The following RTN4 variants were observed in gnomAD, a reference collection of about 807,000 sequenced individuals.
RTN4 encodes reticulon-4.
In RTN4, 32 loss-of-function variants were observed where a neutral mutation model predicts 90.4. The observed-to-expected ratio is 0.35, with a 90% confidence interval of 0.27 to 0.48. The LOEUF is 0.48. Ranked by LOEUF, RTN4 falls within the 20% of genes least tolerant of loss-of-function variation. The pLI is 0.99. For synonymous variants in RTN4, 629 were observed against 552.5 expected (o/e 1.14, Z -1.94); for missense variants, 1,706 against 1,430.2 (o/e 1.19, Z -3.11).
chr2:54,997,096 G>C (rs577078533), intron 3 of RTN4, among the ~76,000 whole-genome samples: 1 of 152,268 alleles, frequency 6.6e-6, no homozygotes, highest in Admixed American at 6.5e-5. Flanking sequence ...CACAGAACGA[G>C]AGAAAACACT....
At chr2:55,088,144 T>G (rs1314643519) in intron 1 of RTN4, among the ~76,000 whole-genome samples, 1 of 152,216 alleles carries the variant, frequency 6.6e-6, no homozygotes, top group Non-Finnish European at 1.5e-5. Flanking sequence ...ACGGGTTATG[T>G]TATCTTCTCC....
chr2:55,038,769 G>C (rs1323061070), intron 1 of RTN4, among the ~76,000 whole-genome samples: 1 of 152,180 alleles, frequency 6.6e-6, no homozygotes, highest in Non-Finnish European at 1.5e-5. Context: ...TTACCTAAGA[G>C]AAATGAAAAT....
At chr2:54,992,416 G>T (rs1356210056) in intron 3 of RTN4, among the ~76,000 whole-genome samples, 1 of 152,108 alleles carries the variant, frequency 6.6e-6, no homozygotes, top group East Asian at 1.9e-4. Context: ...CATGCAAGAT[G>T]AATCATAAAG....
chr2:55,125,058 T>A, the RTN4 span, among the ~76,000 whole-genome samples: 1 of 151,896 alleles, frequency 6.6e-6, no homozygotes, highest in East Asian at 1.9e-4. Context: ...TACACAAAAA[T>A]CAATTCAATA....
chr2:55,110,717 C>A (rs571005197), intron 1 of RTN4, among the ~76,000 whole-genome samples: 2 of 152,058 alleles, frequency 1.3e-5, no homozygotes, highest in Non-Finnish European at 2.9e-5. Context: ...GAAAGCCAAC[C>A]TCAAATCAGG....
At chr2:55,089,909 T>A (rs1400705860) in intron 1 of RTN4, among the ~76,000 whole-genome samples, 2 of 152,202 alleles carry the variant, frequency 1.3e-5, no homozygotes, top group Non-Finnish European at 2.9e-5. Context: ...GATCACTGAC[T>A]GACAGCAGCA....
At chr2:54,997,829 T>C (rs1007217025) in intron 3 of RTN4, among the ~76,000 whole-genome samples, 2 of 152,210 alleles carry the variant, frequency 1.3e-5, no homozygotes, top group Admixed American at 6.5e-5. Context: ...AGTATACTGT[T>C]ACCATGATTC....
chr2:54,978,526 T>C (rs1677855492), intron 5 of RTN4, among the ~76,000 whole-genome samples: 1 of 151,968 alleles, frequency 6.6e-6, no homozygotes, highest in East Asian at 1.9e-4. Flanking sequence ...AGATTTTGCA[T>C]TTATGAAGAC....
chr2:55,021,456 T>A (rs1412532875), intron 3 of RTN4, among the ~76,000 whole-genome samples: 1 of 150,590 alleles, frequency 6.6e-6, no homozygotes, highest in East Asian at 1.9e-4. Flanking sequence ...AACTCTTACC[T>A]GCTTTTACAC....
intron 5 of RTN4, among the ~76,000 whole-genome samples, chr2:54,980,664 G>A (rs1448335195): frequency 6.6e-6 from 1 of 152,042 alleles, no homozygotes; most frequent in Non-Finnish European, 1.5e-5. Context: ...AAGCTCACCA[G>A]GCTTTTCTTT....
chr2:55,128,950 T>C, the RTN4 span, among the ~76,000 whole-genome samples: 18 of 150,718 alleles, frequency 1.2e-4, no homozygotes, highest in East Asian at 3.6e-3. Context: ...CTAATAAAAA[T>C]ACAAAAAATT....
Position 55,092,486 on chromosome 2 carries a change from G to A in RTN4, c.-213-11847C>T, listed in dbSNP as rs191213187. Among the ~76,000 whole-genome samples, 921 of 152,124 alleles carry A rather than the reference G, an allele frequency of 6.1e-3. 33 individuals carry two copies. The highest frequency in any genetic ancestry group is 0.05 in the Admixed American group (764 of 15,284). On this transcript the variant is annotated intron_variant, in intron 1 of 3. Coordinates refer to the RTN4 transcript ENST00000427710. ...CAACCTCAGGTGATCTGCCCACCTC[G>A]GCCTCCTAAAGTGCTGGGATTACAG...
intron 3 of RTN4, among the ~76,000 whole-genome samples, chr2:55,021,603 G>A (rs990017406): frequency 5.9e-5 from 9 of 151,922 alleles, no homozygotes; most frequent in East Asian, 1.9e-4. Flanking sequence ...GATTACAGGC[G>A]TAAGCCATTG....
At chr2:55,008,587 T>C (rs529473927) in intron 3 of RTN4, among the ~76,000 whole-genome samples, 14 of 152,270 alleles carry the variant, frequency 9.2e-5, no homozygotes, top group African/African-American at 2.9e-4. Flanking sequence ...CCCAGAGATA[T>C]TCAGGAGTAA....
At chr2:54,981,448 T>G (rs573170957) in intron 5 of RTN4, among the ~76,000 whole-genome samples, 2 of 152,250 alleles carry the variant, frequency 1.3e-5, no homozygotes, top group South Asian at 4.1e-4. Flanking sequence ...AATGAAAAAT[T>G]ATGAGAATTA....
rs555244697 is a variant in RTN4 at position 55,058,481 on chromosome 2, C to A, written c.-63+22008G>T. 6.6e-5 allele frequency among the ~76,000 whole-genome samples: 10 copies of A among 152,360 alleles called. 1 individual carries two copies. In the South Asian group the frequency reaches 1.9e-3, roughly 28 times the overall value. On this transcript the variant is annotated intron_variant, in intron 2 of 3. Coordinates refer to the RTN4 transcript ENST00000427710. ...GAAATTTCCATGGTGTACATGCCAG[C>A]TACCAGCCACTTTCAGGCTTGTCTA...
At chr2:55,050,488 C>T (rs1668049196), upstream of RTN4, 2 of 413,326 alleles carry the variant, frequency 4.8e-6, no homozygotes, top group Non-Finnish European at 8.5e-6. This position sits in a 1 kb window ranked among gnomAD's most constrained non-coding sequence, Gnocchi z 4.6. Flanking sequence ...GGTGATGCGC[C>T]ACCCGCCCTG....
At chr2:54,973,531 T>C in intron 8 of RTN4, 32 bp downstream of exon 8, 1 of 1,505,564 alleles carries the variant, frequency 6.6e-7, no homozygotes, top group Non-Finnish European at 9.2e-7. Context: ...CACCTTATCC[T>C]AGTAAAAACA....
intron 2 of RTN4, among the ~76,000 whole-genome samples, chr2:55,058,247 G>C (rs927669927): frequency 6.6e-6 from 1 of 152,042 alleles, no homozygotes; most frequent in East Asian, 1.9e-4. Context: ...GATTCTATGA[G>C]TGTTGCACTA....
Sources: gnomAD v4.1 joint callset for allele counts (sites outside exome capture counted in the v4.1 genomes callset) on GRCh38, gnomAD v4.1.1 for gene constraint, Gnocchi (gnomAD v3.1) non-coding constraint, MANE v1.5 for transcripts, NCBI Gene and HGNC (gene_info 2026-07-23, HGNC 2026-07-21) for gene names.